Variants in PPL observed in about 807,000 individuals in gnomAD.
The protein encoded by PPL is periplakin.
In PPL, 198 loss-of-function variants were observed where a neutral mutation model predicts 194.4. The observed-to-expected ratio is 1.02, with a 90% CI of 0.91 to 1.15. The LOEUF (loss-of-function observed/expected upper bound fraction) is 1.15, where lower values mean the gene tolerates loss of function less well. Ranked by LOEUF, PPL falls within the 50% of genes most tolerant of loss-of-function variation. PPL has a pLI of 0.00. For synonymous variants in PPL, 1,220 were observed against 972.4 expected, an observed-to-expected ratio of 1.25 and a Z score of -4.74; for missense variants, 2,885 against 2,294.8, an observed-to-expected ratio of 1.26 and a Z score of -5.25.
At chr16:4,916,875 A>C (rs967093870) in intron 1 of PPL, among the ~76,000 whole-genome samples, 1 of 151,836 alleles carries the variant, frequency 6.6e-6, no homozygotes, top group Non-Finnish European at 1.5e-5. Context: ...CACGCCTGCA[A>C]TCCCAGCACT....
intron 1 of PPL, among the ~76,000 whole-genome samples, chr16:4,935,533 G>C (rs540914835): frequency 1.3e-5 from 2 of 152,312 alleles, no homozygotes; most frequent in South Asian, 4.1e-4. Flanking sequence ...CATGGAGGAG[G>C]GGTGTGCAGG....
chr16:4,909,033 G>T (rs1440001407), intron 2 of PPL, among the ~76,000 whole-genome samples: 3 of 152,232 alleles, frequency 2.0e-5, no homozygotes, highest in Non-Finnish European at 4.4e-5. Flanking sequence ...AAGGGGAGCT[G>T]ATGGGAGGGA....
rs997215159 is a variant in PPL at position 4,888,019 on chromosome 16, A to C, written c.2514+83T>G. 1.5e-4 allele frequency: 148 copies of C among 959,842 alleles called. 2 individuals are homozygous for C. Among genetic ancestry groups the C allele is most frequent in the Middle Eastern group, 8.9e-4 (3 of 3,362 alleles). The allele number at this position is 959,842 out of a possible 1,614,324, so 59.5% of individuals were successfully genotyped here. Reference sequence around the variant, plus strand: ...CTGTTGTGTGTGCATCTCTGAGGCCAGCGTGTGACACCATGCTCCCTGGGG... The same window carrying C: ...CTGTTGTGTGTGCATCTCTGAGGCCCGCGTGTGACACCATGCTCCCTGGGG... On this transcript the variant is annotated intron_variant, in intron 20 of 21. Transcript: ENST00000345988.
chr16:4,931,663 G>A (rs1568067248), intron 1 of PPL, among the ~76,000 whole-genome samples: 1 of 152,222 alleles, frequency 6.6e-6, no homozygotes, highest in African/African-American at 2.4e-5. Context: ...GGAAGCCAGG[G>A]TTCTCTTCCC....
Position 4,899,056 on chromosome 16 carries a change from T to C in PPL, c.833A>G (p.Asp278Gly). Residue 278 changes from aspartate to glycine, a missense_variant, in exon 8 of 22, where the codon GAC (aspartate) becomes GGC (glycine). Asp to Gly is a moderately conservative substitution (Grantham distance 94). Coordinates refer to ENST00000345988, the MANE Select transcript of PPL (RefSeq NM_002705.5). ...GGGGTGCTCGGCCGCCAGCAGCTGG[T>C]CGCCCTCGCTGTGCAGTTTGTTGAT... ...ERINKLHSEG[D>G]QLLAAEHPGR... 1 of 1,565,306 alleles carries C rather than the reference T, an allele frequency of 6.4e-7. No homozygotes were observed. Among genetic ancestry groups the C allele is most frequent in the Admixed American group, 1.7e-5 (1 of 58,550 alleles).
chr16:4,894,505 G>T lies in PPL; in HGVS notation c.1356C>A (p.Ile452=), dbSNP rs1237699606. 1.2e-6 allele frequency: 2 copies of T among 1,613,930 alleles called. No individual in the cohort carries two copies. The highest frequency in any genetic ancestry group is 2.2e-5 in the East Asian group (1 of 44,876). Residue 452 remains isoleucine, a synonymous_variant, in exon 12 of 22, where the codon ATC becomes ATA. Transcript: ENST00000345988. ...CCAGGGCCTCAGGGTCTGTGGGGGG[G>T]ATCACAAAACACACGGCCGGAGCAA... ...KLIAPAVCFV[I]PPTDPEALAL... is the part of the protein sequence containing the mutation.
chr16:4,893,441 G>C (rs950811105), intron 13 of PPL, 71 bp from the exon 14 acceptor site: 6 of 1,588,858 alleles, frequency 3.8e-6, no homozygotes, highest in South Asian at 1.1e-5. Flanking sequence ...GATGGACCTA[G>C]GCAGCCAGCC....
Position 4,883,753 on chromosome 16 carries a change from G to C in PPL, c.4902C>G (p.Asp1634Glu). 1 of 1,614,038 alleles carries C rather than the reference G, an allele frequency of 6.2e-7. No homozygotes were observed. Among genetic ancestry groups the C allele is most frequent in the Non-Finnish European group, 8.5e-7 (1 of 1,180,016 alleles). Residue 1634 changes from aspartate to glutamate, a missense_variant, in exon 22 of 22, where the codon GAC becomes GAG. Transcript: ENST00000345988. The surrounding 1 kb of genome is among the most constrained non-coding windows in gnomAD (Gnocchi z 4.8). ...RLSKDKDLEI[D>E]ELQKRLGSVA... ...CGGAGCCCAGGCGCTTCTGCAGCTC[G>C]TCGATCTCGAGGTCTTTGTCCTTGG...
Position 4,899,290 on chromosome 16 carries a change from T to C in PPL, c.701A>G (p.Lys234Arg). ...NELYWLDQQA[K>R]GRMQYDWSDR... ...ACTCCAGTCGTACTGCATGCGGCCC[T>C]TGGCCTGCTGGTCCAGCCAGTACAG... The change falls in exon 7 of 22, where the codon AAG (lysine) becomes AGG (arginine). Residue 234 changes from lysine (K) to arginine (R), a missense_variant. Coordinates refer to ENST00000345988, the MANE Select transcript of PPL (RefSeq NM_002705.5). 1 of 1,613,788 alleles carries C rather than the reference T, an allele frequency of 6.2e-7. No homozygotes were observed. Among genetic ancestry groups the C allele is most frequent in the Non-Finnish European group, 8.5e-7 (1 of 1,179,992 alleles).
At chr16:4,898,617 G>A (rs141930084) in intron 8 of PPL, among the ~76,000 whole-genome samples, 139 of 152,298 alleles carry the variant, frequency 9.1e-4, no homozygotes, top group African/African-American at 3.3e-3. Context: ...ACCCCCAGAA[G>A]CCGGAAGAGC....
At position 4,902,678 on chromosome 16, in the gene PPL, C is replaced by T; in HGVS notation, c.318-152G>A. The T allele has an allele frequency of 1.2e-6, 1 of 815,862 alleles. No individual in the cohort carries two copies. The highest frequency in any genetic ancestry group is 1.8e-6 in the Non-Finnish European group (1 of 551,874). The allele number at this position is 815,862 out of a possible 1,614,324, so 50.5% of individuals were successfully genotyped here. A position where few individuals can be genotyped will look rare whatever the true frequency, so the allele number is the denominator to read the frequency against. On this transcript the variant is annotated intron_variant, in intron 3 of 21. Transcript: ENST00000345988. The surrounding 1 kb of genome is among the most constrained non-coding windows in gnomAD (Gnocchi z 4.0). ...CAGACAATCACAGCATCCTCTCACCCCTCCTCCCATGCACTTTTTTTTTTT... is the reference window on the plus strand; with the variant it reads ...CAGACAATCACAGCATCCTCTCACCTCTCCTCCCATGCACTTTTTTTTTTT...
At chr16:4,927,180 A>T (rs1417809665) in intron 1 of PPL, among the ~76,000 whole-genome samples, 1 of 152,204 alleles carries the variant, frequency 6.6e-6, no homozygotes, top group African/African-American at 2.4e-5. Context: ...ACCTTCCCCA[A>T]GCTATATGCC....
At chr16:4,900,781 C>T (rs1282682242) in intron 6 of PPL, 49 bp downstream of exon 6, 3 of 1,612,718 alleles carry the variant, frequency 1.9e-6, no homozygotes, top group Non-Finnish European at 8.5e-7. Context: ...CTCCAAGCTT[C>T]CCATCCTCTC....
At position 4,895,815 on chromosome 16, in the gene PPL, T is replaced by G. The variant is rs2088416847; in HGVS notation, c.973-99A>C. 2.6e-6 allele frequency: 4 copies of G among 1,535,644 alleles called. No individual in the cohort carries two copies. The Admixed American group carries it at 5.2e-5, about 20-fold the overall frequency. On this transcript the variant is annotated intron_variant, in intron 9 of 21. Transcript: ENST00000345988. ...CTCATCCCTCAGGCGGGGCTGGGCC[T>G]CCGGTTCACCTGGAGTCCAGCATGG... is the stretch of plus-strand genomic sequence containing the variant.
In PPL at chr16:4,883,809, C is replaced by G; in HGVS notation, c.4846G>C (p.Glu1616Gln). 1 of 1,614,138 alleles carries G rather than the reference C, an allele frequency of 6.2e-7. No homozygotes were observed. Among genetic ancestry groups the G allele is most frequent in the Non-Finnish European group, 8.5e-7 (1 of 1,180,038 alleles). ...TNHDSRLWSL[E>Q]RELDDLKRLS... ...CTCTTGAGGTCATCCAGTTCCCTCT[C>G]CAGGGACCACAGTCTGGAGTCATGG... Residue 1616 changes from glutamate (E) to glutamine (Q), a missense_variant, in exon 22 of 22, where the codon GAG becomes CAG. Coordinates refer to ENST00000345988, the MANE Select transcript of PPL (RefSeq NM_002705.5). The surrounding 1 kb of genome is among the most constrained non-coding windows in gnomAD (Gnocchi z 4.8).
chr16:4,917,998 A>C (rs1030691271), intron 1 of PPL, among the ~76,000 whole-genome samples: 17 of 149,910 alleles, frequency 1.1e-4, no homozygotes, highest in Non-Finnish European at 2.2e-4. Flanking sequence ...AAAAAAAAAA[A>C]CACAAAAAAG....
intron 2 of PPL, among the ~76,000 whole-genome samples, chr16:4,908,344 T>C (rs2088744544): frequency 6.6e-6 from 1 of 151,738 alleles, no homozygotes; most frequent in African/African-American, 2.4e-5. Context: ...AAAAATAAAA[T>C]AAAAATGGTT....
chr16:4,890,308 G>C lies in PPL; in HGVS notation c.2189C>G (p.Ala730Gly). The C allele has an allele frequency of 1.2e-6, 2 of 1,613,934 alleles. No individual in the cohort carries two copies. The highest frequency in any genetic ancestry group is 1.7e-6 in the Non-Finnish European group (2 of 1,179,980). The change falls in exon 18 of 22, where the codon GCA (alanine) becomes GGA (glycine). Residue 730 changes from alanine to glycine, a missense_variant. Transcript: ENST00000345988. ...GCCGCGGTGGAAGTGCTCGTAGGCT[G>C]CCTTGGCGCTCTGTAGGCTCTGCGC... ...RRAQSLQSAK[A>G]AYEHFHRGHD...
chr16:4,921,075 C>T (rs780660971), intron 1 of PPL, among the ~76,000 whole-genome samples: 8 of 152,328 alleles, frequency 5.3e-5, no homozygotes, highest in Non-Finnish European at 8.8e-5. Context: ...CACCTCGAGT[C>T]GACTGAGGCT....
Sources: allele counts gnomAD v4.1 joint callset (sites outside exome capture counted in the v4.1 genomes callset), GRCh38; gene constraint gnomAD v4.1.1; non-coding constraint Gnocchi (gnomAD v3.1); transcripts MANE v1.5; gene names NCBI Gene and HGNC (gene_info 2026-07-23, HGNC 2026-07-21).